The following NFIB variants were observed in gnomAD, a reference collection of about 807,000 sequenced individuals.
NFIB encodes the protein nuclear factor I B.
NFIB carries 11 observed loss-of-function variants against 61.5 expected under a neutral mutation model. That is an observed-to-expected ratio of 0.18 (90% CI 0.11 to 0.30). The LOEUF is 0.30. NFIB is among the 10% of genes least tolerant of loss of function. The pLI is 1.00. For synonymous variants in NFIB, 260 were observed against 216.5 expected, an observed-to-expected ratio of 1.20 and a Z score of -1.76; for missense variants, 471 against 608.9, an observed-to-expected ratio of 0.77 and a Z score of 2.38.
the NFIB span, among the ~76,000 whole-genome samples, chr9:14,464,580 C>T: frequency 1.3e-5 from 2 of 152,276 alleles, no homozygotes; most frequent in Non-Finnish European, 2.9e-5. Flanking sequence ...AGGAGGAGAA[C>T]AGCTGATGGA....
the NFIB span, among the ~76,000 whole-genome samples, chr9:14,457,140 A>G: frequency 6.6e-6 from 1 of 152,190 alleles, no homozygotes; most frequent in African/African-American, 2.4e-5. Context: ...AGAATATATG[A>G]ACATACACGT....
At chr9:14,300,640 C>T (rs150461156) in intron 2 of NFIB, among the ~76,000 whole-genome samples, 2 of 152,300 alleles carry the variant, frequency 1.3e-5, no homozygotes, top group African/African-American at 4.8e-5. Context: ...ATAACTACTT[C>T]TTTGATTATA....
At chr9:14,197,798 A>G (rs577000760) in intron 2 of NFIB, among the ~76,000 whole-genome samples, 51 of 152,262 alleles carry the variant, frequency 3.3e-4, no homozygotes, top group African/African-American at 1.2e-3. Flanking sequence ...TTGGGGAAAA[A>G]AAAGGTAAAT....
At chr9:14,319,167 G>A (rs553627823) in intron 1 of NFIB, among the ~76,000 whole-genome samples, 157 of 149,820 alleles carry the variant, frequency 1.0e-3, no homozygotes, top group Non-Finnish European at 2.0e-3. Flanking sequence ...TGTCACTGCC[G>A]AAATGCCTCT....
At chr9:14,374,755 CA>C (rs1157673689) in intron 1 of NFIB, among the ~76,000 whole-genome samples, 1 of 151,952 alleles carries the variant, frequency 6.6e-6, no homozygotes, top group African/African-American at 2.4e-5. Context: ...ACTAAAAATA[CA>C]AAAATTACAC....
the NFIB span, among the ~76,000 whole-genome samples, chr9:14,447,591 G>A: frequency 2.1e-3 from 322 of 152,138 alleles, 1 homozygote; most frequent in African/African-American, 7.5e-3. Context: ...CCTTAACTCC[G>A]CATTCACCAC....
the NFIB span, among the ~76,000 whole-genome samples, chr9:14,531,297 CA>C: frequency 6.6e-6 from 1 of 152,158 alleles, no homozygotes; most frequent in Non-Finnish European, 1.5e-5. Flanking sequence ...AGGGGAAAAA[CA>C]GCAACAACAA....
intron 2 of NFIB, among the ~76,000 whole-genome samples, chr9:14,206,161 T>C (rs947260307): frequency 2.7e-5 from 4 of 150,798 alleles, no homozygotes; most frequent in Non-Finnish European, 5.9e-5. Flanking sequence ...ACTAGTAACT[T>C]ACTAACTCTC....
At chr9:14,311,839 G>A (rs1171530718) in intron 1 of NFIB, among the ~76,000 whole-genome samples, 1 of 152,126 alleles carries the variant, frequency 6.6e-6, no homozygotes, top group Admixed American at 6.5e-5. Flanking sequence ...ATCTTGCTTT[G>A]ATTTGTTTTA....
intron 2 of NFIB, among the ~76,000 whole-genome samples, chr9:14,233,490 C>T (rs1334119820): frequency 1.4e-5 from 2 of 140,890 alleles, no homozygotes; most frequent in African/African-American, 2.7e-5. Context: ...TATAGTGGTG[C>T]GATCTCGGCT....
At chr9:14,506,515 T>C in the NFIB span, among the ~76,000 whole-genome samples, 2 of 152,152 alleles carry the variant, frequency 1.3e-5, no homozygotes, top group Middle Eastern at 3.2e-3. Flanking sequence ...AAAATAAAGG[T>C]TTCATAAGGA....
chr9:14,146,975 T>C (rs1203923872), intron 5 of NFIB, among the ~76,000 whole-genome samples, 168 bp from the exon 6 acceptor site: 1 of 152,126 alleles, frequency 6.6e-6, no homozygotes, highest in African/African-American at 2.4e-5. Context: ...AGCAAATATT[T>C]CTAGTTGCAT....
intron 1 of NFIB, among the ~76,000 whole-genome samples, chr9:14,323,918 TAAAAG>T (rs1334848116): frequency 3.3e-5 from 5 of 152,184 alleles, no homozygotes; most frequent in Non-Finnish European, 7.4e-5. Context: ...AGTGCAAAAC[TAAAAG>T]TGGGATTGGC....
intron 2 of NFIB, among the ~76,000 whole-genome samples, chr9:14,205,443 T>C (rs558663837): frequency 4.6e-5 from 7 of 151,938 alleles, no homozygotes; most frequent in South Asian, 2.1e-4. Flanking sequence ...GTACGATATA[T>C]ACACAAGGTA....
At chr9:14,092,084 T>C (rs2034014896) in intron 10 of NFIB, among the ~76,000 whole-genome samples, 1 of 152,182 alleles carries the variant, frequency 6.6e-6, no homozygotes, top group Non-Finnish European at 1.5e-5. Flanking sequence ...CATTTTGTTA[T>C]TGGTAAGACT....
chr9:14,103,228 T>C (rs1313756709), intron 10 of NFIB, among the ~76,000 whole-genome samples: 1 of 152,132 alleles, frequency 6.6e-6, no homozygotes, highest in African/African-American at 2.4e-5. Flanking sequence ...TCAGAGATTG[T>C]TCGAGTAACC....
chr9:14,525,643 T>A, the NFIB span, among the ~76,000 whole-genome samples: 1 of 152,188 alleles, frequency 6.6e-6, no homozygotes, highest in East Asian at 1.9e-4. Context: ...ACATTAGCCA[T>A]TGGATCTTGC....
At chr9:14,446,221 G>T in the NFIB span, among the ~76,000 whole-genome samples, 1 of 152,130 alleles carries the variant, frequency 6.6e-6, no homozygotes, top group African/African-American at 2.4e-5. Flanking sequence ...GTCTAAGTAT[G>T]GATTTCTTTT....
At chr9:14,183,079 T>C (rs146189169) in intron 2 of NFIB, among the ~76,000 whole-genome samples, 53 of 152,234 alleles carry the variant, frequency 3.5e-4, no homozygotes, top group Non-Finnish European at 5.9e-4. Context: ...TAATAACAAC[T>C]AACTTTTAGG....
Sources: allele counts gnomAD v4.1 joint callset (sites outside exome capture counted in the v4.1 genomes callset), GRCh38; gene constraint gnomAD v4.1.1; transcripts MANE v1.5; gene names NCBI Gene and HGNC (gene_info 2026-07-23, HGNC 2026-07-21).